The following PXDN variants were observed in gnomAD, a reference collection of about 807,000 sequenced individuals.
PXDN encodes the protein peroxidasin.
PXDN carries 77 observed loss-of-function variants against 140.3 expected under a neutral mutation model. The observed-to-expected ratio is 0.55, with a 90% CI of 0.46 to 0.66. The LOEUF (loss-of-function observed/expected upper bound fraction) is 0.66. Ranked by LOEUF, PXDN falls within the 30% of genes least tolerant of loss-of-function variation. PXDN has a pLI of 0.00. For missense variants in PXDN, 1,838 were observed against 2,039.5 expected (o/e 0.90, Z 1.90); for synonymous variants, 911 against 857.4 (o/e 1.06, Z -1.09).
At chr2:1,641,308 C>T (rs1022380289) in intron 19 of PXDN, among the ~76,000 whole-genome samples, 2 of 152,052 alleles carry the variant, frequency 1.3e-5, no homozygotes, top group African/African-American at 4.8e-5. Context: ...CCCGCCACCA[C>T]GCCCGGCTAA....
chr2:1,708,074 CT>C (rs1336908861), intron 1 of PXDN, among the ~76,000 whole-genome samples: 1 of 152,142 alleles, frequency 6.6e-6, no homozygotes, highest in Non-Finnish European at 1.5e-5. Context: ...ATGAATGGGA[CT>C]TCTCAAGTTA....
chr2:1,708,615 C>G (rs1684677558), intron 1 of PXDN, among the ~76,000 whole-genome samples: 1 of 152,190 alleles, frequency 6.6e-6, no homozygotes, highest in Non-Finnish European at 1.5e-5. Context: ...GTCACGCACC[C>G]AGAACCCCCG....
intron 14 of PXDN, among the ~76,000 whole-genome samples, chr2:1,658,083 T>TCTCCCCCC (rs1553359699): frequency 1.3e-5 from 1 of 77,700 alleles, no homozygotes; most frequent in African/African-American, 5.7e-5. Flanking sequence ...TCTCTCTCTC[T>TCTCCCCCC]CTCTCTCTCT....
chr2:1,674,014 C>T (rs1484243239), intron 8 of PXDN, among the ~76,000 whole-genome samples: 2 of 152,218 alleles, frequency 1.3e-5, no homozygotes, highest in African/African-American at 4.8e-5. Flanking sequence ...ACATCTCATT[C>T]ACTCAGGTAC....
At position 1,714,843 on chromosome 2, in the gene PXDN, G is replaced by C. The variant is rs1342265815; in HGVS notation, c.201-21709C>G. ...GATGGGGCCCCTGGCCAAGGGCACAGGAAGTAGGGGGTCCCTCTCCAGGCT... is the reference window on the plus strand; with the variant it reads ...GATGGGGCCCCTGGCCAAGGGCACACGAAGTAGGGGGTCCCTCTCCAGGCT... On this transcript the variant is annotated intron_variant, in intron 1 of 22. Coordinates refer to ENST00000252804, the MANE Select transcript of PXDN (RefSeq NM_012293.3). The surrounding 1 kb of genome is among the most constrained non-coding windows in gnomAD (Gnocchi z 4.3). Among the ~76,000 whole-genome samples the C allele has an allele frequency of 6.6e-6, 1 of 152,198 alleles. No individual in the cohort carries two copies. The highest frequency in any genetic ancestry group is 2.4e-5 in the African/African-American group (1 of 41,454).
chr2:1,641,401 C>T (rs1212405515), intron 19 of PXDN, among the ~76,000 whole-genome samples: 5 of 152,178 alleles, frequency 3.3e-5, no homozygotes, highest in Non-Finnish European at 5.9e-5. Context: ...CCACCTGCCT[C>T]GGCCTCCCAA....
intron 7 of PXDN, 33 bp downstream of exon 7, chr2:1,680,160 G>GTGTGGA: frequency 6.6e-7 from 1 of 1,525,032 alleles, no homozygotes; most frequent in South Asian, 1.2e-5. Context: ...TGGTGTGAGT[G>GTGTGGA]TGTGGATGGT....
At chr2:1,684,253 AATAG>A in intron 4 of PXDN, 102 bp from the exon 5 acceptor site, 1 of 845,884 alleles carries the variant, frequency 1.2e-6, no homozygotes, top group Admixed American at 2.1e-5. Context: ...TTCAGATATC[AATAG>A]ATAGCTCACT....
At position 1,660,720 on chromosome 2, in the gene PXDN, C is replaced by T. The variant is rs73910814; in HGVS notation, c.1837+161G>A. On this transcript the variant is annotated intron_variant, in intron 14 of 22. Transcript: ENST00000252804. This position sits in a 1 kb window ranked among gnomAD's most constrained non-coding sequence, Gnocchi z 4.6. ...GGAGGGGAGGGGCTGTCGAGCAGCC[C>T]GGCCATGCATCAGGAGAGTGTCCCC... is the stretch of plus-strand genomic sequence containing the variant. 0.02 allele frequency among the ~76,000 whole-genome samples: 3,039 copies of T among 152,180 alleles called. 100 individuals are homozygous for T. The highest frequency in any genetic ancestry group is 0.069 in the African/African-American group (2,879 of 41,482).
At chr2:1,677,942 C>T (rs1294684619) in intron 7 of PXDN, among the ~76,000 whole-genome samples, 1 of 152,152 alleles carries the variant, frequency 6.6e-6, no homozygotes, top group Non-Finnish European at 1.5e-5. Flanking sequence ...GTGTGTGCAG[C>T]GGAGATGGCT....
rs983458476 is a variant in PXDN at position 1,644,655 on chromosome 2, G to C, written c.3706C>G (p.Leu1236Val). 7 of 1,608,506 alleles carry C rather than the reference G, an allele frequency of 4.4e-6. No individual in the cohort carries two copies. The highest frequency in any genetic ancestry group is 1.1e-5 in the South Asian group (1 of 90,292). The change falls in exon 18 of 23, where the codon CTC becomes GTC. Residue 1236 changes from leucine (L) to valine (V), a missense_variant. Leu to Val is a conservative substitution (Grantham distance 32, BLOSUM62 1). Transcript: ENST00000252804. ...CGCAGGCGCTTGAACTGTGTGCTGA[G>C]AAGACACATCAGGGTGGGGCCCAGC... The part of the protein sequence containing the change: ...SRLGPTLMCL[L>V]STQFKRLRDG...
chr2:1,680,148 G>A (rs2125441076), intron 7 of PXDN, 45 bp downstream of exon 7: 1 of 1,506,044 alleles, frequency 6.6e-7, no homozygotes, highest in Non-Finnish European at 8.9e-7. Context: ...TGTGTGTGTA[G>A]ATGGTGTGAG....
At chr2:1,683,578 G>A (rs924280335) in intron 6 of PXDN, 78 bp downstream of exon 6, 2 of 731,820 alleles carry the variant, frequency 2.7e-6, no homozygotes, top group East Asian at 4.3e-5. Context: ...CACAATACTT[G>A]AAAAAGAACC....
At chr2:1,700,034 A>C (rs1684386532) in intron 1 of PXDN, among the ~76,000 whole-genome samples, 3 of 151,970 alleles carry the variant, frequency 2.0e-5, no homozygotes. Flanking sequence ...TTTTATTATG[A>C]CTTTATCTTT....
intron 14 of PXDN, among the ~76,000 whole-genome samples, chr2:1,656,203 A>C (rs1354077902): frequency 6.6e-6 from 1 of 152,050 alleles, no homozygotes; most frequent in African/African-American, 2.4e-5. Flanking sequence ...ATCTACCCCT[A>C]AAGTTACTGC....
chr2:1,705,811 C>T (rs1246620614), intron 1 of PXDN, among the ~76,000 whole-genome samples: 3 of 151,804 alleles, frequency 2.0e-5, no homozygotes, highest in East Asian at 1.9e-4. Context: ...GATGCAGGTG[C>T]GGCTGCCTAT....
Position 1,744,439 on chromosome 2 carries a change from C to T in PXDN, c.17G>A (p.Arg6Lys), listed in dbSNP as rs1444459518. ...CAACAGGCAGCGGCGCCCGGGGCCC[C>T]TGGAGCGCTTGGCCATGGCCGACGG... MAKRS[R>K]GPGRRCLLAL... Residue 6 changes from arginine (R) to lysine (K), a missense_variant, in exon 1 of 23, where the codon AGG (arginine) becomes AAG (lysine). By Grantham distance (26) the Arg-to-Lys change is conservative. Coordinates refer to ENST00000252804, the MANE Select transcript of PXDN (RefSeq NM_012293.3). 2.7e-6 allele frequency: 4 copies of T among 1,496,840 alleles called. No individual in the cohort carries two copies. Among genetic ancestry groups the T allele is most frequent in the African/African-American group, 2.9e-5 (2 of 68,796 alleles). 92.7% of individuals were successfully genotyped at this position (1,496,840 alleles called of 1,614,324 possible). A position where few individuals can be genotyped will look rare whatever the true frequency, so the allele number is the denominator to read the frequency against.
At chr2:1,696,640 C>A (rs1381359258) in intron 1 of PXDN, among the ~76,000 whole-genome samples, 1 of 152,200 alleles carries the variant, frequency 6.6e-6, no homozygotes, top group Admixed American at 6.5e-5. Context: ...TTATACCACA[C>A]ATATTCATCT....
intron 1 of PXDN, among the ~76,000 whole-genome samples, chr2:1,698,177 G>A (rs111522308): frequency 0.026 from 3,980 of 152,244 alleles, 68 homozygotes; most frequent in Admixed American, 0.045. Context: ...ACAGAAGGAC[G>A]ACAAGTTTGT....
Sources: allele counts gnomAD v4.1 joint callset (sites outside exome capture counted in the v4.1 genomes callset), GRCh38; gene constraint gnomAD v4.1.1; non-coding constraint Gnocchi (gnomAD v3.1); transcripts MANE v1.5; gene names NCBI Gene and HGNC (gene_info 2026-07-23, HGNC 2026-07-21).